USP24: variants seen among roughly 807,000 people sequenced by gnomAD.
USP24 encodes ubiquitin carboxyl-terminal hydrolase 24.
USP24 carries 97 observed loss-of-function variants against 361.6 expected under a neutral mutation model. That is an observed-to-expected ratio of 0.27 (90% confidence interval 0.23 to 0.32). USP24 has a LOEUF of 0.32. Among genes scored for constraint, USP24 ranks in the 10% least tolerant of loss-of-function variants. USP24 has a pLI of 1.00. For synonymous variants in USP24, 1,098 were observed against 1,124.6 expected (o/e 0.98, Z 0.47); for missense variants, 2,353 against 3,165.6 (o/e 0.74, Z 6.16).
At chr1:55,096,234 C>T (rs1325832579) in intron 50 of USP24, among the ~76,000 whole-genome samples, 3 of 152,162 alleles carry the variant, frequency 2.0e-5, no homozygotes, top group African/African-American at 7.2e-5. Flanking sequence ...CTCTCTGATG[C>T]TCATTTCATC....
chr1:55,149,222 A>G (rs1007042570), intron 16 of USP24, among the ~76,000 whole-genome samples: 1 of 152,210 alleles, frequency 6.6e-6, no homozygotes, highest in Non-Finnish European at 1.5e-5. Context: ...CAGATCTAAA[A>G]AGTCTACTGT....
intron 25 of USP24, 53 bp from the exon 26 acceptor site, chr1:55,138,771 CA>C: frequency 1.4e-6 from 2 of 1,390,920 alleles, no homozygotes; most frequent in Non-Finnish European, 1.0e-6. Flanking sequence ...ATAAACACAT[CA>C]AAAATACATA....
At chr1:55,101,309 A>C (rs528671854) in intron 43 of USP24, among the ~76,000 whole-genome samples, 38 of 152,348 alleles carry the variant, frequency 2.5e-4, no homozygotes, top group Admixed American at 2.0e-3. Context: ...TAAAACTGTC[A>C]GTAACTTTAT....
At chr1:55,077,986 T>C (rs376065956) in intron 61 of USP24, among the ~76,000 whole-genome samples, 17 of 152,160 alleles carry the variant, frequency 1.1e-4, no homozygotes, top group Non-Finnish European at 1.9e-4. Context: ...TCCTCTGATA[T>C]AGGTCTGTAG....
chr1:55,105,173 C>T (rs1036723372), intron 41 of USP24, among the ~76,000 whole-genome samples: 4 of 152,086 alleles, frequency 2.6e-5, no homozygotes, highest in South Asian at 2.1e-4. Flanking sequence ...TTTGTGTTTA[C>T]TGAAAATTAA....
chr1:55,070,793 T>G (rs936836549), intron 67 of USP24, among the ~76,000 whole-genome samples: 1 of 152,132 alleles, frequency 6.6e-6, no homozygotes, highest in Non-Finnish European at 1.5e-5. Flanking sequence ...TGGAGCGTTC[T>G]GGATATTGAA....
chr1:55,202,350 G>GA (rs1180811571), intron 1 of USP24, among the ~76,000 whole-genome samples: 1 of 151,628 alleles, frequency 6.6e-6, no homozygotes, highest in Admixed American at 6.6e-5. Context: ...ATCTGAAACA[G>GA]AAAAGTATTA....
chr1:55,104,149 A>G, intron 41 of USP24, 129 bp from the exon 42 acceptor site: 1 of 1,132,172 alleles, frequency 8.8e-7, no homozygotes. Context: ...GTCAGGTCTA[A>G]CCCCAGACAT....
chr1:55,183,530 AGG>A (rs1285966713), intron 1 of USP24, among the ~76,000 whole-genome samples: 1 of 152,228 alleles, frequency 6.6e-6, no homozygotes, highest in East Asian at 1.9e-4. Flanking sequence ...GAAAGAAACA[AGG>A]GAATTAAAAT....
At chr1:55,127,763 A>G (rs1646476453) in intron 32 of USP24, among the ~76,000 whole-genome samples, 2 of 152,190 alleles carry the variant, frequency 1.3e-5, no homozygotes, top group African/African-American at 4.8e-5. Flanking sequence ...TGCCATTCTA[A>G]CTGGTGTTAG....
In USP24 at chr1:55,132,661, A is replaced by C. The variant is rs1360963236; in HGVS notation, c.3421T>G (p.Ser1141Ala). ...TGTTGCTTTGATGACAGGGATGGAG[A>C]TTTTGAGGACTGAGAACTTGATTCA... ...LSESSSQSSK[S>A]PSLSSKQQHQ... The change falls in exon 31 of 68, where the codon TCT becomes GCT. Residue 1141 changes from serine (S) to alanine (A), a missense_variant. Physicochemically the swap from Ser to Ala is moderately conservative, Grantham distance 99 (BLOSUM62 1). This residue lies in a region of USP24 where 949 missense variants were observed against 1,280.5 expected (regional missense o/e 0.74). Coordinates refer to ENST00000294383, the MANE Select transcript of USP24 (RefSeq NM_015306.3). The C allele has an allele frequency of 3.1e-6, 5 of 1,613,588 alleles. No homozygotes were observed. The highest frequency in any genetic ancestry group is 4.2e-6 in the Non-Finnish European group (5 of 1,179,700).
In USP24 at chr1:55,124,338, G is replaced by T; in HGVS notation, c.4120+131C>A. 2.8e-6 allele frequency: 3 copies of T among 1,075,502 alleles called. 1 individual carries two copies. The highest frequency in any genetic ancestry group is 3.3e-5 in the South Asian group (2 of 60,170). The allele number at this position is 1,075,502 out of a possible 1,614,324, so 66.6% of individuals were successfully genotyped here. A position where few individuals can be genotyped will look rare whatever the true frequency, so the allele number is the denominator to read the frequency against. ...ATACTAAGTGTATACAGAGCTTGAT[G>T]AATTTTTACTCATGCTCACAAGCAA... On this transcript the variant is annotated intron_variant, in intron 35 of 67. Coordinates refer to ENST00000294383, the MANE Select transcript of USP24 (RefSeq NM_015306.3).
In USP24 at chr1:55,214,777, TGCC is replaced by T. The variant is rs1569862122; in HGVS notation, c.324+10_324+12del. On this transcript the variant is annotated intron_variant, in intron 1 of 67. Coordinates refer to ENST00000294383, the MANE Select transcript of USP24 (RefSeq NM_015306.3). ...GTGGCTTCCCACAGAGGTCTGGGGT[TGCC>T]CCTCCTCACCTCCGCGTCCACCACC... The T allele has an allele frequency of 8.2e-7, 1 of 1,218,658 alleles. No individual in the cohort carries two copies. Among genetic ancestry groups the T allele is most frequent in the East Asian group, 3.4e-5 (1 of 29,292 alleles). The allele number at this position is 1,218,658 out of a possible 1,614,324, so 75.5% of individuals were successfully genotyped here.
At chr1:55,168,061 A>T (rs904602381) in intron 5 of USP24, among the ~76,000 whole-genome samples, 7 of 152,174 alleles carry the variant, frequency 4.6e-5, no homozygotes, top group African/African-American at 2.4e-5. Context: ...AGCGCTGAAG[A>T]TCAAAACTGG....
intron 20 of USP24, among the ~76,000 whole-genome samples, chr1:55,145,041 T>C (rs563036328): frequency 6.6e-6 from 1 of 152,298 alleles, no homozygotes; most frequent in African/African-American, 2.4e-5. Context: ...GTTGAGGATG[T>C]GAAGAAATTG....
chr1:55,070,505 G>A lies in USP24; in HGVS notation c.7800+1309C>T, dbSNP rs539249655. 8.3e-4 allele frequency among the ~76,000 whole-genome samples: 127 copies of A among 152,322 alleles called. 1 individual carries two copies. Among genetic ancestry groups the A allele is most frequent in the African/African-American group, 2.8e-3 (118 of 41,574 alleles). ...GAGCGCTAGATGCTGCCGAGCAGTCGGCTAAGATGAGGCCTGAAAGCTGCA... is the reference window on the plus strand; with the variant it reads ...GAGCGCTAGATGCTGCCGAGCAGTCAGCTAAGATGAGGCCTGAAAGCTGCA... On this transcript the variant is annotated intron_variant, in intron 67 of 67. Coordinates refer to ENST00000294383, the MANE Select transcript of USP24 (RefSeq NM_015306.3).
At chr1:55,148,975 A>C (rs1394898177) in intron 16 of USP24, among the ~76,000 whole-genome samples, 1 of 152,222 alleles carries the variant, frequency 6.6e-6, no homozygotes, top group Non-Finnish European at 1.5e-5. Context: ...TGGAGTAAGA[A>C]TATTGCTTTC....
chr1:55,098,343 C>T, intron 46 of USP24, 133 bp downstream of exon 46: 1 of 904,190 alleles, frequency 1.1e-6, no homozygotes, highest in Non-Finnish European at 1.6e-6. Flanking sequence ...AAATTTAAGT[C>T]ACTAAATACT....
At chr1:55,101,441 T>A in intron 43 of USP24, 143 bp downstream of exon 43, 1 of 1,146,090 alleles carries the variant, frequency 8.7e-7, no homozygotes, top group South Asian at 1.6e-5. Context: ...ACAACATGTC[T>A]TTACACATTT....
Sources: gnomAD v4.1 joint callset for allele counts (sites outside exome capture counted in the v4.1 genomes callset) on GRCh38, gnomAD v4.1.1 for gene constraint, gnomAD v4.1.1 regional missense constraint, MANE v1.5 for transcripts, NCBI Gene and HGNC (gene_info 2026-07-23, HGNC 2026-07-21) for gene names.